The following SMOC2 variants were observed in gnomAD, a reference collection of about 807,000 sequenced individuals.
SMOC2 encodes the protein SPARC-related modular calcium-binding protein 2.
SMOC2 carries 39 observed loss-of-function variants against 61.4 expected under a neutral mutation model. That is an observed-to-expected ratio of 0.64 (90% CI 0.49 to 0.83). SMOC2 has a LOEUF of 0.83. Ranked by LOEUF, SMOC2 falls within the 40% of genes least tolerant of loss-of-function variation. SMOC2 has a pLI of 0.00. For synonymous variants in SMOC2, 247 were observed against 239.9 expected (o/e 1.03, Z -0.27); for missense variants, 556 against 592.9 (o/e 0.94, Z 0.65).
In SMOC2 at chr6:168,453,030, G is replaced by A. The variant is rs1477474331; in HGVS notation, c.84+11576G>A. ...AGCAGGGCCGGGGGCATAGTTCCCT[G>A]GAAGTCGGTCTTGGGAGGACACAGC... On this transcript the variant is annotated intron_variant, in intron 1 of 12. Coordinates refer to ENST00000356284, the MANE Select transcript of SMOC2 (RefSeq NM_001166412.2). This position sits in a 1 kb window ranked among gnomAD's most constrained non-coding sequence, Gnocchi z 4.4. Among the ~76,000 whole-genome samples, 1 of 152,246 alleles carries A rather than the reference G, an allele frequency of 6.6e-6. No homozygotes were observed. The highest frequency in any genetic ancestry group is 1.9e-4 in the East Asian group (1 of 5,190).
At chr6:168,477,320 G>A (rs1038889109) in intron 1 of SMOC2, among the ~76,000 whole-genome samples, 2 of 152,238 alleles carry the variant, frequency 1.3e-5, no homozygotes, top group African/African-American at 4.8e-5. Context: ...TGGCCCTGAT[G>A]CATGTCTCTG....
intron 9 of SMOC2, among the ~76,000 whole-genome samples, chr6:168,646,971 C>G (rs1360976620): frequency 6.6e-6 from 1 of 151,778 alleles, no homozygotes; most frequent in Non-Finnish European, 1.5e-5. Flanking sequence ...AAAGAACAGT[C>G]TGGTTTTCTT....
At chr6:168,592,367 A>G (rs376981851) in intron 7 of SMOC2, among the ~76,000 whole-genome samples, 4,431 of 89,310 alleles carry the variant, frequency 0.05, 169 homozygotes, top group Non-Finnish European at 0.062. Context: ...CTGAGGCCTC[A>G]CGGGCATCTT....
chr6:168,513,720 G>C (rs569296133), intron 2 of SMOC2, among the ~76,000 whole-genome samples: 30 of 152,314 alleles, frequency 2.0e-4, no homozygotes, highest in Non-Finnish European at 2.9e-4. Flanking sequence ...GGCTGCGAGT[G>C]AGTCCATGCT....
At chr6:168,658,361 A>G (rs1002468331) in intron 11 of SMOC2, among the ~76,000 whole-genome samples, 2 of 152,186 alleles carry the variant, frequency 1.3e-5, no homozygotes, top group Admixed American at 1.3e-4. Flanking sequence ...TATGGTCATA[A>G]TGAGAAAATT....
At chr6:168,549,085 T>C (rs1252501738) in intron 6 of SMOC2, 44 bp from the exon 7 acceptor site, 6 of 1,526,474 alleles carry the variant, frequency 3.9e-6, no homozygotes, top group Non-Finnish European at 5.5e-6. Context: ...CATTGTGCTT[T>C]CGTGATGAAT....
In SMOC2 at chr6:168,475,402, C is replaced by CA. The variant is rs1483575004; in HGVS notation, c.84+33949dup. 2.0e-5 allele frequency among the ~76,000 whole-genome samples: 3 copies of CA among 152,090 alleles called. No individual in the cohort carries two copies. The highest frequency in any genetic ancestry group is 2.9e-5 in the Non-Finnish European group (2 of 67,990). On this transcript the variant is annotated intron_variant, in intron 1 of 12. Transcript: ENST00000356284. This position sits in a 1 kb window ranked among gnomAD's most constrained non-coding sequence, Gnocchi z 4.6. ...CCAATGTCCCAGGCACAGGTGGAAA[C>CA]ACGTGGTGCGTACAACCTTGCTCAA... is the stretch of plus-strand genomic sequence containing the variant.
At chr6:168,490,569 C>T (rs990100106) in intron 1 of SMOC2, among the ~76,000 whole-genome samples, 18 of 152,164 alleles carry the variant, frequency 1.2e-4, no homozygotes, top group Non-Finnish European at 1.5e-5. Context: ...AGGATTTAGC[C>T]TTGATAGGAT....
chr6:168,567,874 C>T (rs1179507649), intron 7 of SMOC2, among the ~76,000 whole-genome samples: 2 of 150,166 alleles, frequency 1.3e-5, no homozygotes, highest in South Asian at 2.1e-4. Flanking sequence ...GAATTTAGTG[C>T]GTCTTCGCTT....
chr6:168,651,878 T>G lies in SMOC2; in HGVS notation c.1011-1076T>G, dbSNP rs1264408429. On this transcript the variant is annotated intron_variant, in intron 10 of 12. Coordinates refer to ENST00000356284, the MANE Select transcript of SMOC2 (RefSeq NM_001166412.2). Reference sequence around the variant, plus strand: ...CAACGTGGTGAAAACCCATCCCTACTAAAAATACAAAACTTAATCCAGCAT... The same window carrying G: ...CAACGTGGTGAAAACCCATCCCTACGAAAAATACAAAACTTAATCCAGCAT... Among the ~76,000 whole-genome samples, 7 of 152,074 alleles carry G rather than the reference T, an allele frequency of 4.6e-5. No individual in the cohort carries two copies. In the East Asian group the frequency reaches 1.2e-3, roughly 25 times the overall value.
chr6:168,589,756 T>G (rs112908320), intron 7 of SMOC2, among the ~76,000 whole-genome samples: 14 of 96,130 alleles, frequency 1.5e-4, no homozygotes, highest in East Asian at 9.2e-4. Context: ...GGTGTGGCAT[T>G]AGTTTAGGGG....
At chr6:168,499,045 G>T (rs1002089675) in intron 1 of SMOC2, among the ~76,000 whole-genome samples, 1 of 134,418 alleles carries the variant, frequency 7.4e-6, no homozygotes. Flanking sequence ...CACAGTCTCT[G>T]GGGGGACAGC....
In SMOC2 at chr6:168,545,343, C is replaced by T. The variant is rs377055891; in HGVS notation, c.511+1671C>T. ...ACACCCCCCACTTTAGGCCGGAATA[C>T]GCAGAGGGGATACCTGGATTAAGCA... is the stretch of plus-strand genomic sequence containing the variant. On this transcript the variant is annotated intron_variant, in intron 5 of 12. Coordinates refer to ENST00000356284, the MANE Select transcript of SMOC2 (RefSeq NM_001166412.2). Among the ~76,000 whole-genome samples the T allele has an allele frequency of 2.0e-4, 31 of 152,086 alleles. 1 individual carries two copies. The highest frequency in any genetic ancestry group is 1.8e-3 in the Admixed American group (27 of 15,262).
chr6:168,528,722 A>T (rs191443855), intron 4 of SMOC2, among the ~76,000 whole-genome samples: 2 of 152,356 alleles, frequency 1.3e-5, no homozygotes, highest in East Asian at 1.9e-4. Flanking sequence ...GGCCATGGGG[A>T]TGCATGATGT....
chr6:168,502,648 C>G (rs902074553), intron 1 of SMOC2, among the ~76,000 whole-genome samples: 1 of 152,212 alleles, frequency 6.6e-6, no homozygotes, highest in African/African-American at 2.4e-5. Context: ...TTATTTCACT[C>G]AGACTCTTAA....
chr6:168,555,615 T>C (rs555087858), intron 7 of SMOC2, among the ~76,000 whole-genome samples: 1 of 152,322 alleles, frequency 6.6e-6, no homozygotes, highest in African/African-American at 2.4e-5. Context: ...GCATGCACTG[T>C]GGAACCTAAA....
chr6:168,555,052 C>G (rs1784214777), intron 7 of SMOC2, among the ~76,000 whole-genome samples: 1 of 152,244 alleles, frequency 6.6e-6, no homozygotes, highest in African/African-American at 2.4e-5. Flanking sequence ...GTGGGCCTGA[C>G]TGGTCCCAGC....
In SMOC2 at chr6:168,535,323, AT is replaced by A. The variant is rs1242693964; in HGVS notation, c.463+7602del. Among the ~76,000 whole-genome samples, 11 of 152,172 alleles carry A rather than the reference AT, an allele frequency of 7.2e-5. No individual in the cohort carries two copies. The East Asian group carries it at 2.1e-3, about 29-fold the overall frequency. On this transcript the variant is annotated intron_variant, in intron 4 of 12. Transcript: ENST00000356284. The surrounding 1 kb of genome is among the most constrained non-coding windows in gnomAD (Gnocchi z 4.6). ...AAGTATATTATTTTTTCTTCTAATTATTTTTTGGACAAATGCTAATTATTTT... is the reference window on the plus strand; with the variant it reads ...AAGTATATTATTTTTTCTTCTAATTATTTTTGGACAAATGCTAATTATTTT...
At chr6:168,618,243 C>T (rs926505748) in intron 9 of SMOC2, among the ~76,000 whole-genome samples, 8 of 152,216 alleles carry the variant, frequency 5.3e-5, no homozygotes, top group South Asian at 2.1e-4. Flanking sequence ...ACAAACAAGC[C>T]GATCATGATT....
Sources: allele counts gnomAD v4.1 joint callset (sites outside exome capture counted in the v4.1 genomes callset), GRCh38; gene constraint gnomAD v4.1.1; non-coding constraint Gnocchi (gnomAD v3.1); transcripts MANE v1.5; gene names NCBI Gene and HGNC (gene_info 2026-07-23, HGNC 2026-07-21).